The following PUS10 variants were observed in gnomAD, a reference collection of about 807,000 sequenced individuals.
PUS10 encodes the protein tRNA pseudouridine synthase Pus10.
A neutral mutation model predicts 75.0 loss-of-function variants in PUS10; 59 were observed. The ratio of observed to expected loss-of-function variants is 0.79; its 90% CI spans 0.64 to 0.98. The LOEUF (loss-of-function observed/expected upper bound fraction) is 0.98. Ranked by LOEUF, PUS10 falls within the 50% of genes least tolerant of loss-of-function variation. PUS10 has a pLI of 0.00. For missense variants in PUS10, 650 were observed against 614.4 expected, an observed-to-expected ratio of 1.06 and a Z score of -0.61; for synonymous variants, 219 against 211.6, an observed-to-expected ratio of 1.03 and a Z score of -0.30.
At chr2:61,016,251 A>G (rs1318176059) in intron 1 of PUS10, among the ~76,000 whole-genome samples, 2 of 152,092 alleles carry the variant, frequency 1.3e-5, no homozygotes, top group African/African-American at 4.8e-5. Flanking sequence ...CTAAAAATAG[A>G]CCCCAAAAAA....
Position 60,960,376 on chromosome 2 carries a change from A to C in PUS10, c.1000+16T>G. The C allele has an allele frequency of 6.7e-7, 1 of 1,494,054 alleles. No individual in the cohort carries two copies. Among genetic ancestry groups the C allele is most frequent in the Non-Finnish European group, 8.8e-7 (1 of 1,131,510 alleles). The allele number at this position is 1,494,054 out of a possible 1,614,324, so 92.5% of individuals were successfully genotyped here. The stretch of plus-strand genomic sequence containing the variant: ...AAAAAAAAAAGAAAGAAAAGTATGA[A>C]GATCGTAACACTTACTCTCTGCTTT... On this transcript the variant is annotated intron_variant, in intron 11 of 17. Coordinates refer to ENST00000316752, the MANE Select transcript of PUS10 (RefSeq NM_144709.4).
At chr2:61,012,219 G>A (rs1483429777) in intron 1 of PUS10, among the ~76,000 whole-genome samples, 1 of 152,154 alleles carries the variant, frequency 6.6e-6, no homozygotes, top group Non-Finnish European at 1.5e-5. Context: ...GGAGGGTAAT[G>A]AAAACAGAGG....
Position 60,948,164 on chromosome 2 carries a change from T to C in PUS10, c.1330A>G (p.Thr444Ala), listed in dbSNP as rs762881391. The C allele has an allele frequency of 6.2e-7, 1 of 1,613,976 alleles. No homozygotes were observed. Among genetic ancestry groups the C allele is most frequent in the Non-Finnish European group, 8.5e-7 (1 of 1,179,998 alleles). The change falls in exon 16 of 18, where the codon ACA (threonine) becomes GCA (alanine). Residue 444 changes from threonine (T) to alanine (A), a missense_variant. Transcript: ENST00000316752. ...DIKDLKIDQK[T>A]PLRVLHRRPL... Reference sequence around the variant, plus strand: ...CTTCGGTGAAGGACGCGCAAAGGTGTTTTCTGGTCGATTTTTAAGTCCTAG... The same window carrying C: ...CTTCGGTGAAGGACGCGCAAAGGTGCTTTCTGGTCGATTTTTAAGTCCTAG...
chr2:60,960,610 T>C (rs1273553008), intron 10 of PUS10, 93 bp from the exon 11 acceptor site: 1 of 1,191,088 alleles, frequency 8.4e-7, no homozygotes, highest in African/African-American at 1.6e-5. Flanking sequence ...GCCAATATCC[T>C]AAGTGCTACG....
rs544079965 is a variant in PUS10, at chr2:60,995,230, G to C, written c.468+11327C>G. Among the ~76,000 whole-genome samples, 3 of 152,184 alleles carry C rather than the reference G, an allele frequency of 2.0e-5. No individual in the cohort carries two copies. In the South Asian group the frequency reaches 6.2e-4, roughly 31 times the overall value. On this transcript the variant is annotated intron_variant, in intron 4 of 17. Coordinates refer to ENST00000316752, the MANE Select transcript of PUS10 (RefSeq NM_144709.4). ...AACACCACCTACTTTAAGGGGTTGT[G>C]ATTATTAAATGAAAGAGCACATGCA...
At chr2:61,015,507 G>C (rs1396774030) in intron 1 of PUS10, among the ~76,000 whole-genome samples, 1 of 152,134 alleles carries the variant, frequency 6.6e-6, no homozygotes, top group African/African-American at 2.4e-5. Context: ...AGACCATCCT[G>C]GCTAACACGA....
At chr2:60,965,255 G>T in intron 7 of PUS10, 152 bp from the exon 8 acceptor site, 1 of 991,868 alleles carries the variant, frequency 1.0e-6, no homozygotes, top group Non-Finnish European at 1.6e-6. Context: ...GTTTGCCCAG[G>T]AACTATGTTC....
At chr2:60,970,862 G>A (rs938260166) in intron 5 of PUS10, among the ~76,000 whole-genome samples, 1 of 152,072 alleles carries the variant, frequency 6.6e-6, no homozygotes, top group Non-Finnish European at 1.5e-5. Context: ...TAGTTTTATA[G>A]TTTAGTTTCT....
intron 1 of PUS10, chr2:61,017,726 G>T: frequency 6.5e-7 from 1 of 1,529,738 alleles, no homozygotes; most frequent in South Asian, 1.2e-5. Context: ...GGACAGTCAG[G>T]GGTAGGAGCG....
intron 4 of PUS10, among the ~76,000 whole-genome samples, chr2:60,990,363 T>TA (rs1189455795): frequency 1.3e-5 from 2 of 152,134 alleles, no homozygotes; most frequent in African/African-American, 4.8e-5. Context: ...AGTGAAGAGT[T>TA]ACAGGGCCAA....
Position 60,993,393 on chromosome 2 carries a change from G to A in PUS10, c.468+13164C>T, listed in dbSNP as rs566853178. 3.4e-4 allele frequency among the ~76,000 whole-genome samples: 51 copies of A among 152,006 alleles called. No individual in the cohort carries two copies. The South Asian group carries it at 4.4e-3, about 13-fold the overall frequency. On this transcript the variant is annotated intron_variant, in intron 4 of 17. Transcript: ENST00000316752. ...AATCACTTGAACCCGTGAGGTGGAC[G>A]TTGCAGTGAGCTGAGATCATGCCAC... is the stretch of plus-strand genomic sequence containing the variant.
intron 16 of PUS10, 60 bp from the exon 17 acceptor site, chr2:60,945,168 T>A: frequency 9.7e-7 from 1 of 1,028,534 alleles, no homozygotes; most frequent in East Asian, 2.4e-5. Context: ...TTGGTAAGAT[T>A]TGACAGGCAA....
intron 4 of PUS10, among the ~76,000 whole-genome samples, chr2:60,994,085 G>A (rs556937770): frequency 2.2e-4 from 34 of 151,650 alleles, no homozygotes; most frequent in South Asian, 1.7e-3. Flanking sequence ...CACCGCGCCC[G>A]GCCAGATCGA....
rs1388834327 is a variant in PUS10, at chr2:60,990,160, G to A, written c.468+16397C>T. 4.0e-5 allele frequency among the ~76,000 whole-genome samples: 6 copies of A among 151,526 alleles called. No homozygotes were observed. The East Asian group carries it at 7.7e-4, about 20-fold the overall frequency. On this transcript the variant is annotated intron_variant, in intron 4 of 17. Transcript: ENST00000316752. ...CATACACATACTCACACGCACGCAC[G>A]GGAAAAAAAACCTAGAAAACAGAAA...
intron 4 of PUS10, among the ~76,000 whole-genome samples, chr2:61,001,883 T>C (rs1244767593): frequency 6.6e-6 from 1 of 152,224 alleles, no homozygotes; most frequent in Non-Finnish European, 1.5e-5. Flanking sequence ...CTCTCAATCC[T>C]TTTAATTTAT....
In PUS10 at chr2:60,948,161, G is replaced by A. The variant is rs775564945; in HGVS notation, c.1333C>T (p.Pro445Ser). 1 of 1,614,122 alleles carries A rather than the reference G, an allele frequency of 6.2e-7. No individual in the cohort carries two copies. Among genetic ancestry groups the A allele is most frequent in the Non-Finnish European group, 8.5e-7 (1 of 1,180,016 alleles). ...GGCCTTCGGTGAAGGACGCGCAAAGGTGTTTTCTGGTCGATTTTTAAGTCC... is the reference window on the plus strand; with the variant it reads ...GGCCTTCGGTGAAGGACGCGCAAAGATGTTTTCTGGTCGATTTTTAAGTCC... ...IKDLKIDQKT[P>S]LRVLHRRPLA... is the part of the protein sequence containing the mutation. The change falls in exon 16 of 18, where the codon CCT (proline) becomes TCT (serine). Residue 445 changes from proline to serine, a missense_variant. Physicochemically the swap from Pro to Ser is moderately conservative, Grantham distance 74. Transcript: ENST00000316752.
At chr2:61,010,859 C>A in intron 2 of PUS10, 1 of 1,550,334 alleles carries the variant, frequency 6.5e-7, no homozygotes, top group Non-Finnish European at 8.7e-7. Context: ...GGGCAGGTTG[C>A]TTAACCTCTC....
At chr2:61,014,461 T>C (rs1679838120) in intron 1 of PUS10, among the ~76,000 whole-genome samples, 1 of 152,202 alleles carries the variant, frequency 6.6e-6, no homozygotes, top group African/African-American at 2.4e-5. Flanking sequence ...AACTGTTTGC[T>C]TAAATTGCCA....
chr2:60,947,372 A>G (rs952923515), intron 16 of PUS10, among the ~76,000 whole-genome samples: 5 of 152,244 alleles, frequency 3.3e-5, no homozygotes, highest in African/African-American at 1.2e-4. Context: ...AGACCCAAAT[A>G]TGGTCATAAA....
Sources: gnomAD v4.1 joint callset for allele counts (sites outside exome capture counted in the v4.1 genomes callset) on GRCh38, gnomAD v4.1.1 for gene constraint, MANE v1.5 for transcripts, NCBI Gene and HGNC (gene_info 2026-07-23, HGNC 2026-07-21) for gene names.